The following SFI1 variants were observed in gnomAD, a reference collection of about 807,000 sequenced individuals.
SFI1 encodes protein SFI1 homolog.
A neutral mutation model predicts 207.5 loss-of-function variants in SFI1; 195 were observed. The ratio of observed to expected loss-of-function variants is 0.94; its 90% CI spans 0.84 to 1.06. The LOEUF (loss-of-function observed/expected upper bound fraction) is 1.06, where lower values mean the gene tolerates loss of function less well. Ranked by LOEUF, SFI1 falls within the 50% of genes least tolerant of loss-of-function variation. The probability of loss-of-function intolerance (pLI) is 0.00; values close to 1 mark genes in which losing one functional copy is unlikely to be tolerated. For missense variants in SFI1, 1,634 were observed against 1,588.0 expected, an observed-to-expected ratio of 1.03 and a Z score of -0.49; for synonymous variants, 630 against 598.9, an observed-to-expected ratio of 1.05 and a Z score of -0.76.
chr22:31,607,998 G>A lies in SFI1; in HGVS notation c.2219G>A (p.Cys740Tyr). 1.2e-6 allele frequency: 2 copies of A among 1,613,982 alleles called. No individual in the cohort carries two copies. The highest frequency in any genetic ancestry group is 1.7e-6 in the Non-Finnish European group (2 of 1,179,914). Reference protein sequence around the residue: ...VQMYYRQQEDCAIWEAQKVLD... With the variant: ...VQMYYRQQEDYAIWEAQKVLD... ...ATGTATTACCGACAGCAGGAGGACTGTGCCATCTGGGAGGCCCAGAAGGTG... is the reference window on the plus strand; with the variant it reads ...ATGTATTACCGACAGCAGGAGGACTATGCCATCTGGGAGGCCCAGAAGGTG... Residue 740 changes from cysteine (C) to tyrosine (Y), a missense_variant, in exon 22 of 33, where the codon TGT (cysteine) becomes TAT (tyrosine). Coordinates refer to ENST00000400288, the MANE Select transcript of SFI1 (RefSeq NM_001007467.3).
At chr22:31,535,163 G>A (rs368985989) in intron 4 of SFI1, among the ~76,000 whole-genome samples, 10 of 148,206 alleles carry the variant, frequency 6.7e-5, no homozygotes, top group Non-Finnish European at 1.0e-4. Flanking sequence ...CACGGTGCCC[G>A]GCCTCAAATG....
Position 31,535,564 on chromosome 22 carries a change from C to T in SFI1, c.338+4435C>T, listed in dbSNP as rs535533294. ...TGTTGCCCAGGCTGGAGTGCAGTGG[C>T]GCGATCTTGGCTCACTGCAACCTCT... On this transcript the variant is annotated intron_variant, in intron 4 of 32. Coordinates refer to ENST00000400288, the MANE Select transcript of SFI1 (RefSeq NM_001007467.3). 2.6e-5 allele frequency among the ~76,000 whole-genome samples: 4 copies of T among 151,722 alleles called. No homozygotes were observed. The East Asian group carries it at 5.8e-4, about 22-fold the overall frequency.
chr22:31,592,382 A>T (rs2066118327), intron 15 of SFI1, among the ~76,000 whole-genome samples: 2 of 71,244 alleles, frequency 2.8e-5, no homozygotes, highest in Non-Finnish European at 5.2e-5. Flanking sequence ...TCCCTCCCGG[A>T]CGGGGCGGCT....
chr22:31,605,240 G>T (rs2068769824), intron 20 of SFI1: 1 of 241,166 alleles, frequency 4.1e-6, no homozygotes, highest in Non-Finnish European at 8.0e-6. Context: ...ACAAAATTCA[G>T]CTTTGCAAGG....
chr22:31,499,222 ACTC>A (rs1207679049), intron 1 of SFI1, among the ~76,000 whole-genome samples: 1 of 148,760 alleles, frequency 6.7e-6, no homozygotes, highest in Non-Finnish European at 1.5e-5. Context: ...CTGGTCTTGA[ACTC>A]CTGGTCTCAA....
chr22:31,532,010 G>A (rs868670424), intron 4 of SFI1, among the ~76,000 whole-genome samples: 1 of 151,894 alleles, frequency 6.6e-6, no homozygotes, highest in African/African-American at 2.4e-5. Flanking sequence ...GTGGTGAGCC[G>A]AGATCGCGCC....
chr22:31,538,968 G>C (rs2147656008), intron 4 of SFI1, among the ~76,000 whole-genome samples: 1 of 152,212 alleles, frequency 6.6e-6, no homozygotes, highest in East Asian at 1.9e-4. Flanking sequence ...TCACACCATA[G>C]TATGCCCGAA....
chr22:31,523,388 C>T (rs1025891455), intron 2 of SFI1, among the ~76,000 whole-genome samples: 9 of 152,084 alleles, frequency 5.9e-5, no homozygotes, highest in African/African-American at 2.2e-4. Flanking sequence ...AATTAGAAAC[C>T]ACTTTCCCAA....
intron 15 of SFI1, among the ~76,000 whole-genome samples, chr22:31,601,188 A>G (rs1354708178): frequency 7.5e-6 from 1 of 133,118 alleles, no homozygotes; most frequent in African/African-American, 2.9e-5. Flanking sequence ...CAGTGGCACG[A>G]TCTCGGCTCA....
At chr22:31,561,178 AC>A in intron 7 of SFI1, 111 bp from the exon 8 acceptor site, 1 of 770,628 alleles carries the variant, frequency 1.3e-6, no homozygotes, top group Non-Finnish European at 2.1e-6. Flanking sequence ...TAGAGATGGT[AC>A]TATGAAGGAG....
intron 15 of SFI1, among the ~76,000 whole-genome samples, chr22:31,596,010 T>C (rs550908982): frequency 1.8e-4 from 27 of 152,164 alleles, no homozygotes; most frequent in Admixed American, 1.7e-3. Context: ...CCCAGCACTT[T>C]GGGAGGCAGA....
Position 31,561,374 on chromosome 22 carries a change from C to A in SFI1, c.747C>A (p.Ala249=). Residue 249 remains alanine, a synonymous_variant, in exon 8 of 33, where the codon GCC becomes GCA. Transcript: ENST00000400288. The part of the protein sequence containing the change: ...ALHASALKHR[A]LSLQVQAWSQ... ...ATGCCTCTGCTTTGAAGCACAGGGC[C>A]CTGAGCCTCCAGGTGCAGGTGAGTC... 6.2e-7 allele frequency: 1 copy of A among 1,613,798 alleles called. No individual in the cohort carries two copies. The highest frequency in any genetic ancestry group is 8.5e-7 in the Non-Finnish European group (1 of 1,179,898).
chr22:31,600,744 G>A (rs2067965003), intron 15 of SFI1, among the ~76,000 whole-genome samples: 1 of 152,216 alleles, frequency 6.6e-6, no homozygotes, highest in African/African-American at 2.4e-5. Flanking sequence ...AGTCTGGGCG[G>A]CCTAGGGGCT....
chr22:31,547,926 A>C (rs377053804), intron 5 of SFI1, among the ~76,000 whole-genome samples: 1,736 of 150,122 alleles, frequency 0.012, 9 homozygotes, highest in Middle Eastern at 0.031. Context: ...TAAAAATAAT[A>C]AATTGTGGCC....
chr22:31,535,664 G>A lies in SFI1; in HGVS notation c.338+4535G>A, dbSNP rs993777233. Reference sequence around the variant, plus strand: ...CTCCCAAGTGGCTGGGATTACAGACGTGCACCACCATGCCCGGCTAATTTT... The same window carrying A: ...CTCCCAAGTGGCTGGGATTACAGACATGCACCACCATGCCCGGCTAATTTT... On this transcript the variant is annotated intron_variant, in intron 4 of 32. Transcript: ENST00000400288. 4.0e-5 allele frequency among the ~76,000 whole-genome samples: 6 copies of A among 151,748 alleles called. No homozygotes were observed. In the Admixed American group the frequency reaches 4.0e-4, roughly 10 times the overall value.
chr22:31,613,069 G>A lies in SFI1; in HGVS notation c.2491-73G>A, dbSNP rs978214651. 3.3e-6 allele frequency: 5 copies of A among 1,521,766 alleles called. No individual in the cohort carries two copies. The African/African-American group carries it at 6.8e-5, about 21-fold the overall frequency. The allele number at this position is 1,521,766 out of a possible 1,614,324, so 94.3% of individuals were successfully genotyped here. Reference sequence around the variant, plus strand: ...GAGAGGGAGCCAAGAGGGACGAGCTGGGCAGGGCCCCGTGATCACCACGGC... The same window carrying A: ...GAGAGGGAGCCAAGAGGGACGAGCTAGGCAGGGCCCCGTGATCACCACGGC... On this transcript the variant is annotated intron_variant, in intron 24 of 32. Coordinates refer to ENST00000400288, the MANE Select transcript of SFI1 (RefSeq NM_001007467.3).
chr22:31,533,249 C>T (rs991393854), intron 4 of SFI1, among the ~76,000 whole-genome samples: 11 of 152,094 alleles, frequency 7.2e-5, no homozygotes, highest in Admixed American at 1.3e-4. Context: ...GTGTTCGGGC[C>T]GGGCGTGGTG....
chr22:31,508,474 T>C, intron 2 of SFI1, 98 bp downstream of exon 2: 7 of 736,934 alleles, frequency 9.5e-6, no homozygotes, highest in South Asian at 1.8e-5. Context: ...ATGAGTGAGG[T>C]AGTAACTGTG....
Position 31,555,692 on chromosome 22 carries a change from G to C in SFI1, c.545-1250G>C, listed in dbSNP as rs892571026. Among the ~76,000 whole-genome samples the C allele has an allele frequency of 2.0e-5, 3 of 152,156 alleles. 1 individual carries two copies. The highest frequency in any genetic ancestry group is 1.3e-4 in the Admixed American group (2 of 15,276). On this transcript the variant is annotated intron_variant, in intron 6 of 32. Coordinates refer to ENST00000400288, the MANE Select transcript of SFI1 (RefSeq NM_001007467.3). ...GCACCATTTTACAGATGAGGAACTT[G>C]TATGAGATTAGGTGTGTAATAAATG...
Sources: allele counts gnomAD v4.1 joint callset (sites outside exome capture counted in the v4.1 genomes callset), GRCh38; gene constraint gnomAD v4.1.1; transcripts MANE v1.5; gene names NCBI Gene and HGNC (gene_info 2026-07-23, HGNC 2026-07-21).